The following SETD2 variants were observed in gnomAD, a reference collection of about 807,000 sequenced individuals.
The protein encoded by SETD2 is histone-lysine N-methyltransferase SETD2.
A neutral mutation model predicts 242.1 loss-of-function variants in SETD2; 31 were observed. The ratio of observed to expected loss-of-function variants is 0.13; its 90% confidence interval spans 0.10 to 0.17. SETD2 has a LOEUF of 0.17. Among genes scored for constraint, SETD2 ranks in the 10% least tolerant of loss-of-function variants. The pLI, the probability that SETD2 is intolerant of heterozygous loss-of-function variation, is 1.00. For missense variants in SETD2, 2,481 were observed against 3,046.3 expected (o/e 0.81, Z 4.37); for synonymous variants, 1,006 against 1,066.5 (o/e 0.94, Z 1.11).
Position 47,040,569 on chromosome 3 carries a change from ATTTTTTTT to A in SETD2, c.7238+1984_7238+1991del, listed in dbSNP as rs34309892. 7.6e-5 allele frequency among the ~76,000 whole-genome samples: 7 copies of A among 91,738 alleles called. 1 individual carries two copies. In the East Asian group the frequency reaches 1.1e-3, roughly 14 times the overall value. The allele number at this position is 91,738 out of a possible 152,430, so 60.2% of individuals were successfully genotyped here. A position where few individuals can be genotyped will look rare whatever the true frequency, so the allele number is the denominator to read the frequency against. ...AAAATAGATGACATGAGGGAAAAGG[ATTTTTTTT>A]TTTTTTTTTTTTTTGGAGACAAGGT... On this transcript the variant is annotated intron_variant, in intron 17 of 20. Coordinates refer to ENST00000409792, the MANE Select transcript of SETD2 (RefSeq NM_014159.7).
At chr3:47,107,732 G>A (rs1430701281) in intron 5 of SETD2, among the ~76,000 whole-genome samples, 1 of 31,508 alleles carries the variant, frequency 3.2e-5, no homozygotes, top group Non-Finnish European at 6.0e-5. Context: ...GGGGGGGGTG[G>A]GGGGGGGGTG....
At chr3:47,132,229 C>T (rs980056134) in intron 1 of SETD2, among the ~76,000 whole-genome samples, 9 of 148,666 alleles carry the variant, frequency 6.1e-5, no homozygotes, top group Middle Eastern at 3.5e-3. Flanking sequence ...ACCTTCCAAA[C>T]TCAAGTGATT....
At chr3:47,050,731 T>C (rs2039793411) in intron 15 of SETD2, among the ~76,000 whole-genome samples, 1 of 122,602 alleles carries the variant, frequency 8.2e-6, no homozygotes, top group Non-Finnish European at 1.7e-5. Flanking sequence ...CTCTTTTTTT[T>C]TTTTTTTTTT....
chr3:47,092,121 T>TA (rs2041831526), intron 9 of SETD2, among the ~76,000 whole-genome samples: 1 of 152,004 alleles, frequency 6.6e-6, no homozygotes, highest in African/African-American at 2.4e-5. Context: ...AAATAAACCG[T>TA]AAAAATGCAG....
At position 47,150,556 on chromosome 3, in the gene SETD2, G is replaced by A. The variant is rs2106822621; in HGVS notation, c.71+13298C>T. Among the ~76,000 whole-genome samples the A allele has an allele frequency of 1.3e-5, 2 of 152,038 alleles. 1 individual carries two copies. ...AAGTACAAAACAACTGAAAAGGCTG[G>A]GAGAAAAAAGTGGTCTAGCATACCA... On this transcript the variant is annotated intron_variant, in intron 1 of 20. Transcript: ENST00000409792.
chr3:47,076,204 C>CA (rs1266728323), intron 12 of SETD2, among the ~76,000 whole-genome samples: 3 of 152,062 alleles, frequency 2.0e-5, no homozygotes, highest in Admixed American at 6.6e-5. Context: ...AAGAGACATC[C>CA]AAAACAAAAG....
At chr3:47,044,024 G>A (rs991971531) in intron 16 of SETD2, among the ~76,000 whole-genome samples, 1 of 151,968 alleles carries the variant, frequency 6.6e-6, no homozygotes, top group African/African-American at 2.4e-5. Flanking sequence ...GAATACAAAT[G>A]GAAACTTATT....
At position 47,122,163 on chromosome 3, in the gene SETD2, T is replaced by C. The variant is rs2106670848; in HGVS notation, c.2473A>G (p.Met825Val). 6.2e-7 allele frequency: 1 copy of C among 1,613,974 alleles called. No individual in the cohort carries two copies. ...SVMKISSNSF[M>V]NVHLESKPVI... ...GGTTTTGATTCCAAATGCACATTCA[T>C]AAAGCTATTTGAAGAAATCTTCATA... The change falls in exon 3 of 21, where the codon ATG becomes GTG. Residue 825 changes from methionine to valine, a missense_variant. Coordinates refer to ENST00000409792, the MANE Select transcript of SETD2 (RefSeq NM_014159.7).
chr3:47,113,995 C>A lies in SETD2; in HGVS notation c.4596G>T (p.Arg1532=), dbSNP rs769219765. The part of the protein sequence containing the change: ...NRLLMIECSS[R]CPNGDYCSNR... The stretch of plus-strand genomic sequence containing the variant: ...TGGAACAATAATCCCCATTTGGACA[C>A]CGAGAAGAACTGAAATGAGAAAAGG... The change falls in exon 5 of 21, where the codon CGG becomes CGT. Residue 1532 remains arginine (R), a synonymous_variant. Transcript: ENST00000409792. 1 of 1,605,932 alleles carries A rather than the reference C, an allele frequency of 6.2e-7. No homozygotes were observed. Among genetic ancestry groups the A allele is most frequent in the African/African-American group, 1.3e-5 (1 of 74,168 alleles).
At chr3:47,148,416 C>T (rs1442439627) in intron 1 of SETD2, among the ~76,000 whole-genome samples, 2 of 152,158 alleles carry the variant, frequency 1.3e-5, no homozygotes, top group Non-Finnish European at 2.9e-5. Flanking sequence ...CAGACATGAG[C>T]CACTGTGCCT....
At chr3:47,086,163 T>C (rs2041548537) in intron 11 of SETD2, 32 bp downstream of exon 11, 1 of 1,608,494 alleles carries the variant, frequency 6.2e-7, no homozygotes, top group Admixed American at 1.7e-5. Context: ...TATAACAGTT[T>C]TAAGAAACAA....
intron 1 of SETD2, among the ~76,000 whole-genome samples, chr3:47,147,820 G>C (rs1266791331): frequency 6.6e-6 from 1 of 150,792 alleles, no homozygotes. Flanking sequence ...CTACTTGGGA[G>C]GCTGAAGCAG....
At chr3:47,023,344 G>A (rs530452465) in intron 18 of SETD2, among the ~76,000 whole-genome samples, 1 of 152,258 alleles carries the variant, frequency 6.6e-6, no homozygotes, top group South Asian at 2.1e-4. Flanking sequence ...AGTCTGCAGT[G>A]AGCTGAGATC....
At chr3:47,048,718 A>G (rs1219428430) in intron 15 of SETD2, among the ~76,000 whole-genome samples, 2 of 152,180 alleles carry the variant, frequency 1.3e-5, no homozygotes, top group African/African-American at 4.8e-5. Flanking sequence ...GCCAGGGTGG[A>G]GAGCAGTGGT....
intron 15 of SETD2, among the ~76,000 whole-genome samples, chr3:47,052,109 T>C (rs551662935): frequency 2.0e-5 from 3 of 152,208 alleles, no homozygotes; most frequent in South Asian, 2.1e-4. Flanking sequence ...TGTTGACACA[T>C]GTACATATAT....
intron 1 of SETD2, among the ~76,000 whole-genome samples, chr3:47,155,166 G>GA (rs1224171365): frequency 3.3e-5 from 5 of 149,860 alleles, no homozygotes; most frequent in Admixed American, 6.7e-5. Flanking sequence ...ATACTAGATT[G>GA]AAAAAAAAAG....
At chr3:47,106,582 C>T (rs574065404) in intron 5 of SETD2, among the ~76,000 whole-genome samples, 3 of 142,984 alleles carry the variant, frequency 2.1e-5, no homozygotes, top group East Asian at 2.0e-4. Context: ...GAGGTAGAGG[C>T]GGGTGGATCA....
At chr3:47,066,636 A>T (rs1435902123) in intron 13 of SETD2, among the ~76,000 whole-genome samples, 1 of 152,154 alleles carries the variant, frequency 6.6e-6, no homozygotes, top group Admixed American at 6.6e-5. Context: ...GGTGTGAGCC[A>T]CCCTGCCCAG....
intron 1 of SETD2, among the ~76,000 whole-genome samples, chr3:47,158,513 A>G (rs1156750217): frequency 6.6e-6 from 1 of 152,162 alleles, no homozygotes; most frequent in Non-Finnish European, 1.5e-5. Context: ...CTTTATGATG[A>G]TCCACTTCCA....
Sources: gnomAD v4.1 joint callset for allele counts (sites outside exome capture counted in the v4.1 genomes callset) on GRCh38, gnomAD v4.1.1 for gene constraint, MANE v1.5 for transcripts, NCBI Gene and HGNC (gene_info 2026-07-23, HGNC 2026-07-21) for gene names.